The following TNNT3 variants were observed in gnomAD, a reference collection of about 807,000 sequenced individuals.
TNNT3 encodes troponin T, fast skeletal muscle.
In TNNT3, 36 loss-of-function variants were observed where a neutral mutation model predicts 54.2. The ratio of observed to expected loss-of-function variants is 0.66; its 90% CI spans 0.51 to 0.88. The LOEUF (loss-of-function observed/expected upper bound fraction) is 0.88. Ranked by LOEUF, TNNT3 falls within the 40% of genes least tolerant of loss-of-function variation. The probability of loss-of-function intolerance (pLI) is 0.00; values close to 1 mark genes in which losing one functional copy is unlikely to be tolerated. For missense variants in TNNT3, 291 were observed against 331.6 expected (o/e 0.88, Z 0.95); for synonymous variants, 120 against 109.7 (o/e 1.09, Z -0.59).
chr11:1,923,029 C>G lies in TNNT3; in HGVS notation c.18-19C>G, dbSNP rs1335190513. The G allele has an allele frequency of 1.2e-6, 2 of 1,614,000 alleles. No homozygotes were observed. Among genetic ancestry groups the G allele is most frequent in the Non-Finnish European group, 1.7e-6 (2 of 1,180,000 alleles). On this transcript the variant is annotated intron_variant, in intron 2 of 15. Transcript: ENST00000278317. The stretch of plus-strand genomic sequence containing the variant: ...ACTACCTCTCTCTCTTTCTTTCTCT[C>G]TCTCTCCCTGCCCCACAGTGAACAG...
chr11:1,919,859 T>A (rs955348894), intron 1 of TNNT3, 97 bp downstream of exon 1: 1 of 152,214 alleles, frequency 6.6e-6, no homozygotes, highest in Non-Finnish European at 1.5e-5. Flanking sequence ...TCTGGGGTCC[T>A]GGGGCGCTGA....
chr11:1,932,937 C>T (rs564236848), intron 9 of TNNT3, among the ~76,000 whole-genome samples: 13 of 116,278 alleles, frequency 1.1e-4, no homozygotes, highest in African/African-American at 3.2e-4. Context: ...TCCATCCACC[C>T]ACCCAACCAC....
intron 8 of TNNT3, among the ~76,000 whole-genome samples, chr11:1,930,722 A>G (rs145598911): frequency 3.3e-5 from 5 of 152,300 alleles, no homozygotes; most frequent in African/African-American, 1.2e-4. Flanking sequence ...GAGTGAGAAC[A>G]TCTGAAGGGT....
In TNNT3 at chr11:1,925,094, C is replaced by G. The variant is rs763038654; in HGVS notation, c.50-5C>G. The G allele has an allele frequency of 6.2e-7, 1 of 1,612,688 alleles. No individual in the cohort carries two copies. Among genetic ancestry groups the G allele is most frequent in the African/African-American group, 1.3e-5 (1 of 74,894 alleles). ...TCTCCTGCTCCTGGCTTCTCCGGCTCTCAGAGGAAGCCCAGGAGGAAGGTA... is the reference window on the plus strand; with the variant it reads ...TCTCCTGCTCCTGGCTTCTCCGGCTGTCAGAGGAAGCCCAGGAGGAAGGTA... On this transcript the variant is annotated splice_polypyrimidine_tract_variant and splice_region_variant and intron_variant, in intron 4 of 15. Coordinates refer to ENST00000278317, the MANE Select transcript of TNNT3 (RefSeq NM_006757.4).
intron 4 of TNNT3, 81 bp downstream of exon 4, chr11:1,923,653 C>T (rs946414206): frequency 4.7e-6 from 5 of 1,070,950 alleles, no homozygotes; most frequent in Non-Finnish European, 7.2e-6. Context: ...CTCACAGAAC[C>T]CCCTCCCCAG....
At chr11:1,928,404 G>A (rs569373178) in intron 6 of TNNT3, among the ~76,000 whole-genome samples, 1 of 152,316 alleles carries the variant, frequency 6.6e-6, no homozygotes, top group Admixed American at 6.5e-5. Context: ...AGGTGGCCAG[G>A]GAGAGGTAGC....
At chr11:1,934,229 G>A in intron 11 of TNNT3, 103 bp from the exon 12 acceptor site, 1 of 1,166,320 alleles carries the variant, frequency 8.6e-7, no homozygotes, top group Non-Finnish European at 1.3e-6. Flanking sequence ...CCCAGGGTGG[G>A]CCCTTCCAGA....
intron 7 of TNNT3, 31 bp downstream of exon 7, chr11:1,929,174 A>G (rs1209238987): frequency 1.9e-6 from 3 of 1,611,580 alleles, no homozygotes; most frequent in Admixed American, 1.7e-5. Context: ...CCGGAGGTGC[A>G]GGACCCTGGC....
At chr11:1,924,350 G>C (rs1850914767) in intron 4 of TNNT3, among the ~76,000 whole-genome samples, 1 of 152,208 alleles carries the variant, frequency 6.6e-6, no homozygotes, top group African/African-American at 2.4e-5. Flanking sequence ...TGGGAACCGT[G>C]TGGGGTGGCG....
intron 6 of TNNT3, 137 bp downstream of exon 6, chr11:1,926,846 AGAGT>A (rs1851757407): frequency 1.7e-6 from 2 of 1,163,262 alleles, no homozygotes; most frequent in Non-Finnish European, 2.5e-6. Context: ...GGCTGGGGAC[AGAGT>A]GAGGACCCTG....
At chr11:1,925,012 G>T (rs753192993) in intron 4 of TNNT3, 87 bp from the exon 5 acceptor site, 54 of 1,515,454 alleles carry the variant, frequency 3.6e-5, no homozygotes, top group Admixed American at 1.4e-4. Context: ...TCCTGTCCTT[G>T]CGGCCTGAGT....
chr11:1,933,826 A>C lies in TNNT3; in HGVS notation c.277A>C (p.Lys93Gln), dbSNP rs1854138593. ...GGAGGAGGAGGAGCTGGTCGCTCTC[A>C]AAGAGAGAATCGTGAGTGGGGCAGT... ...KKEEEELVAL[K>Q]ERIEKRRAER... The change falls in exon 10 of 16, where the codon AAA becomes CAA. Residue 93 changes from lysine (K) to glutamine (Q), a missense_variant. By Grantham distance (53) the Lys-to-Gln change is moderately conservative (BLOSUM62 1). Coordinates refer to ENST00000278317, the MANE Select transcript of TNNT3 (RefSeq NM_006757.4). 2 of 1,612,698 alleles carry C rather than the reference A, an allele frequency of 1.2e-6. No homozygotes were observed. Among genetic ancestry groups the C allele is most frequent in the Non-Finnish European group, 8.5e-7 (1 of 1,179,848 alleles).
intron 9 of TNNT3, 116 bp from the exon 10 acceptor site, chr11:1,933,605 G>A: frequency 1.3e-6 from 1 of 791,856 alleles, no homozygotes. Flanking sequence ...TGGTGGCCAA[G>A]GGAGTCAGGG....
chr11:1,922,373 C>T (rs1278038693), intron 1 of TNNT3, among the ~76,000 whole-genome samples: 3 of 152,028 alleles, frequency 2.0e-5, no homozygotes, highest in African/African-American at 7.2e-5. Flanking sequence ...GAGCCAGTCT[C>T]GGTCATCCAG....
At chr11:1,920,405 T>C (rs547815993) in intron 1 of TNNT3, among the ~76,000 whole-genome samples, 13 of 151,500 alleles carry the variant, frequency 8.6e-5, no homozygotes, top group Middle Eastern at 3.4e-3. Context: ...GGGGCAAGAG[T>C]GAGGGGCTGG....
At chr11:1,920,571 G>A (rs1001698772) in intron 1 of TNNT3, among the ~76,000 whole-genome samples, 4 of 146,768 alleles carry the variant, frequency 2.7e-5, no homozygotes, top group Non-Finnish European at 5.9e-5. Flanking sequence ...ATGGGGCAAA[G>A]CAAAGGTTGG....
chr11:1,937,208 C>T (rs557617428), intron 15 of TNNT3, among the ~76,000 whole-genome samples: 124 of 152,242 alleles, frequency 8.1e-4, no homozygotes, highest in African/African-American at 2.9e-3. Context: ...GCAGGGGAGC[C>T]CTGGGGGGTG....
chr11:1,925,078 C>G, intron 4 of TNNT3, 21 bp from the exon 5 acceptor site: 2 of 1,612,390 alleles, frequency 1.2e-6, no homozygotes, highest in East Asian at 2.2e-5. Flanking sequence ...TTCTCCTGCT[C>G]CTGGCTTCTC....
intron 14 of TNNT3, among the ~76,000 whole-genome samples, chr11:1,936,514 C>T (rs996365516): frequency 1.3e-5 from 2 of 152,202 alleles, no homozygotes; most frequent in African/African-American, 2.4e-5. Flanking sequence ...TGCCCCTGGG[C>T]ACAGGCACGA....
Sources: gnomAD v4.1 joint callset for allele counts (sites outside exome capture counted in the v4.1 genomes callset) on GRCh38, gnomAD v4.1.1 for gene constraint, MANE v1.5 for transcripts, NCBI Gene and HGNC (gene_info 2026-07-23, HGNC 2026-07-21) for gene names.